The following MFHAS1 variants were observed in gnomAD, a reference collection of about 807,000 sequenced individuals.
The protein encoded by MFHAS1 is malignant fibrous histiocytoma-amplified sequence 1.
A neutral mutation model predicts 70.4 loss-of-function variants in MFHAS1; 50 were observed. The ratio of observed to expected loss-of-function variants is 0.71; its 90% CI spans 0.57 to 0.90. MFHAS1 has a LOEUF of 0.90. Ranked by LOEUF, MFHAS1 falls within the 40% of genes least tolerant of loss-of-function variation. The pLI, the probability that MFHAS1 is intolerant of heterozygous loss-of-function variation, is 0.00. For missense variants in MFHAS1, 1,795 were observed against 1,347.6 expected (o/e 1.33, Z -5.20); for synonymous variants, 952 against 620.0 (o/e 1.54, Z -7.96).
chr8:8,832,688 G>A (rs572196821), intron 1 of MFHAS1, among the ~76,000 whole-genome samples: 2 of 141,040 alleles, frequency 1.4e-5, no homozygotes, highest in Middle Eastern at 4.3e-3. Context: ...GAGTGTGGTG[G>A]CTCAATCATA....
At chr8:8,890,000 G>A (rs941852132) in intron 1 of MFHAS1, 61 bp downstream of exon 1, 6 of 1,353,212 alleles carry the variant, frequency 4.4e-6, no homozygotes, top group Non-Finnish European at 1.0e-6. Flanking sequence ...TGACAACCAA[G>A]TATCTCCAAA....
Position 8,891,564 on chromosome 8 carries a change from C to T in MFHAS1, c.1495G>A (p.Val499Met). 6.2e-7 allele frequency: 1 copy of T among 1,613,164 alleles called. No homozygotes were observed. The highest frequency in any genetic ancestry group is 1.3e-5 in the African/African-American group (1 of 75,042). Residue 499 changes from valine (V) to methionine (M), a missense_variant, in exon 1 of 3, where the codon GTG becomes ATG. By Grantham distance (21) the Val-to-Met change is conservative. Coordinates refer to ENST00000276282, the MANE Select transcript of MFHAS1 (RefSeq NM_004225.3). The surrounding 1 kb of genome is among the most constrained non-coding windows in gnomAD (Gnocchi z 5.4). ...TAGGTGGCCAAGTTGACCACCAGCACGTATAGGGCCCCTGGGGACAGGAAG... is the reference window on the plus strand; with the variant it reads ...TAGGTGGCCAAGTTGACCACCAGCATGTATAGGGCCCCTGGGGACAGGAAG... ...PFFLSPGALYVLVVNLATYEP... is the reference protein window; with the variant it reads ...PFFLSPGALYMLVVNLATYEP...
chr8:8,851,839 A>T (rs1264951154), intron 1 of MFHAS1, among the ~76,000 whole-genome samples: 2 of 152,228 alleles, frequency 1.3e-5, no homozygotes, highest in Non-Finnish European at 2.9e-5. Context: ...CCCCCGCAAA[A>T]TAAAGATTTC....
intron 2 of MFHAS1, among the ~76,000 whole-genome samples, chr8:8,795,353 G>A (rs1229686095): frequency 6.6e-6 from 1 of 152,168 alleles, no homozygotes; most frequent in East Asian, 1.9e-4. Context: ...ATATGTTCAG[G>A]ACAGGGGATA....
chr8:8,827,437 G>A (rs148416867), intron 1 of MFHAS1, among the ~76,000 whole-genome samples: 44 of 152,324 alleles, frequency 2.9e-4, no homozygotes, highest in African/African-American at 1.0e-3. Context: ...GGTATTATCA[G>A]ACTTAGCCAC....
intron 1 of MFHAS1, among the ~76,000 whole-genome samples, chr8:8,871,015 G>A (rs1321232312): frequency 6.6e-6 from 1 of 152,030 alleles, no homozygotes; most frequent in Admixed American, 6.5e-5. Context: ...CTGCCTCCGG[G>A]GGTTATTCTG....
intron 2 of MFHAS1, among the ~76,000 whole-genome samples, chr8:8,793,286 A>T (rs866857975): frequency 6.6e-6 from 1 of 152,264 alleles, no homozygotes; most frequent in South Asian, 2.1e-4. Context: ...GAATTCATTT[A>T]AAAAAGGCCA....
At chr8:8,850,641 C>G (rs1480807251) in intron 1 of MFHAS1, among the ~76,000 whole-genome samples, 1 of 152,040 alleles carries the variant, frequency 6.6e-6, no homozygotes. Context: ...AGGAGACCAG[C>G]CTGGCCAACA....
chr8:8,891,019 CCA>C lies in MFHAS1; in HGVS notation c.2038_2039del (p.Trp680AlafsTer29). 1 of 1,613,868 alleles carries C rather than the reference CCA, an allele frequency of 6.2e-7. No homozygotes were observed. The highest frequency in any genetic ancestry group is 8.5e-7 in the Non-Finnish European group (1 of 1,179,946). On this transcript the variant is annotated frameshift_variant, in exon 1 of 3. Transcript: ENST00000276282. LOFTEE classifies it high-confidence loss of function. This position sits in a 1 kb window ranked among gnomAD's most constrained non-coding sequence, Gnocchi z 5.4. ...HFQPPQAQRL[W>X]LSWWDSARLG... ...AGCGCGCCGAGTCCCACCAGCTTAGCCACAGTCGCTGGGCCTGAGGTGGCTGG... is the reference window on the plus strand; with the variant it reads ...AGCGCGCCGAGTCCCACCAGCTTAGCCAGTCGCTGGGCCTGAGGTGGCTGG...
chr8:8,826,495 G>C (rs1043795700), intron 1 of MFHAS1, among the ~76,000 whole-genome samples: 1 of 152,188 alleles, frequency 6.6e-6, no homozygotes, highest in Non-Finnish European at 1.5e-5. Context: ...CACTTTGAGA[G>C]ACCCAGGAGG....
chr8:8,872,429 C>T (rs951945682), intron 1 of MFHAS1, among the ~76,000 whole-genome samples: 1 of 152,152 alleles, frequency 6.6e-6, no homozygotes, highest in African/African-American at 2.4e-5. Flanking sequence ...TTCCTTCATG[C>T]GGACCACCTG....
In MFHAS1 at chr8:8,851,109, T is replaced by G. The variant is rs566134823; in HGVS notation, c.2998+38952A>C. Among the ~76,000 whole-genome samples, 181 of 152,340 alleles carry G rather than the reference T, an allele frequency of 1.2e-3. 1 individual carries two copies. Among genetic ancestry groups the G allele is most frequent in the African/African-American group, 3.9e-3 (162 of 41,584 alleles). On this transcript the variant is annotated intron_variant, in intron 1 of 2. Transcript: ENST00000276282. The stretch of plus-strand genomic sequence containing the variant: ...AGAGGTTAGGAGAAAATCCCAAGGC[T>G]AGATGAATTACAGAAGATGAAAAAT...
In MFHAS1 at chr8:8,891,768, C is replaced by A; in HGVS notation, c.1291G>T (p.Glu431Ter). 6.2e-7 allele frequency: 1 copy of A among 1,613,372 alleles called. No homozygotes were observed. The highest frequency in any genetic ancestry group is 8.5e-7 in the Non-Finnish European group (1 of 1,180,040). The change falls in exon 1 of 3, where the codon GAG becomes TAG. Residue 431 changes from glutamate to a stop codon, truncating the protein, a stop_gained. Coordinates refer to ENST00000276282, the MANE Select transcript of MFHAS1 (RefSeq NM_004225.3). LOFTEE classifies it high-confidence loss of function. The surrounding 1 kb of genome is among the most constrained non-coding windows in gnomAD (Gnocchi z 5.4). ...GKTLLRHCLT[E>*]ERVEGCPGGG... is the part of the protein sequence containing the mutation. The stretch of plus-strand genomic sequence containing the variant: ...CCTGGGCATCCCTCCACTCTCTCCT[C>A]GGTGAGGCAGTGGCGCAGCAAAGTC...
Position 8,891,364 on chromosome 8 carries a change from G to C in MFHAS1, c.1695C>G (p.Asp565Glu), listed in dbSNP as rs147778000. 6.2e-7 allele frequency: 1 copy of C among 1,611,288 alleles called. No homozygotes were observed. The highest frequency in any genetic ancestry group is 8.5e-7 in the Non-Finnish European group (1 of 1,180,022). ...TGGCCAAGCGGCTCAGTCCCTCCGCGTCGTGCTTCTCCTGCAGGGCGATCT... is the reference window on the plus strand; with the variant it reads ...TGGCCAAGCGGCTCAGTCCCTCCGCCTCGTGCTTCTCCTGCAGGGCGATCT... ...HRQIALQEKH[D>E]AEGLSRLAKV... The change falls in exon 1 of 3, where the codon GAC (aspartate) becomes GAG (glutamate). Residue 565 changes from aspartate to glutamate, a missense_variant. By Grantham distance (45) the Asp-to-Glu change is conservative. Coordinates refer to ENST00000276282, the MANE Select transcript of MFHAS1 (RefSeq NM_004225.3). This position sits in a 1 kb window ranked among gnomAD's most constrained non-coding sequence, Gnocchi z 5.4.
intron 1 of MFHAS1, among the ~76,000 whole-genome samples, chr8:8,831,799 G>A (rs568552951): frequency 1.3e-5 from 2 of 152,080 alleles, no homozygotes; most frequent in South Asian, 4.2e-4. Context: ...AGTAGAGACG[G>A]GTTTCACCAT....
intron 1 of MFHAS1, among the ~76,000 whole-genome samples, chr8:8,839,926 AAACAC>A (rs1193825780): frequency 2.0e-5 from 3 of 152,206 alleles, no homozygotes; most frequent in Non-Finnish European, 4.4e-5. Context: ...AAGTCAAGAT[AAACAC>A]AATAATTGGA....
intron 1 of MFHAS1, among the ~76,000 whole-genome samples, chr8:8,874,237 G>C (rs1477896311): frequency 6.6e-6 from 1 of 151,816 alleles, no homozygotes; most frequent in East Asian, 1.9e-4. Flanking sequence ...TAACAATCTG[G>C]AAAGGATCAA....
chr8:8,843,873 C>G (rs1807933204), intron 1 of MFHAS1, among the ~76,000 whole-genome samples: 1 of 152,160 alleles, frequency 6.6e-6, no homozygotes, highest in African/African-American at 2.4e-5. Context: ...GAATTAATTA[C>G]CTCTGTTTTA....
Position 8,893,156 on chromosome 8 carries a change from C to G in MFHAS1, c.-98G>C. 2.6e-6 allele frequency: 2 copies of G among 784,296 alleles called. No individual in the cohort carries two copies. The highest frequency in any genetic ancestry group is 3.4e-6 in the Non-Finnish European group (2 of 588,030). 48.6% of individuals were successfully genotyped at this position (784,296 alleles called of 1,614,324 possible). A position where few individuals can be genotyped will look rare whatever the true frequency, so the allele number is the denominator to read the frequency against. On this transcript the variant is annotated 5_prime_UTR_variant, in exon 1 of 3. Transcript: ENST00000276282. ...CCTCCGGCTCCTGCCCCTGCCTGCC[C>G]TCCCGCGCTCGGCGGCCGGCGGCCG...
Sources: gnomAD v4.1 joint callset for allele counts (sites outside exome capture counted in the v4.1 genomes callset) on GRCh38, gnomAD v4.1.1 for gene constraint, Gnocchi (gnomAD v3.1) non-coding constraint, MANE v1.5 for transcripts, NCBI Gene and HGNC (gene_info 2026-07-23, HGNC 2026-07-21) for gene names.